The following SLC35F1 variants were observed in gnomAD, a reference collection of about 807,000 sequenced individuals.
SLC35F1 encodes the protein solute carrier family 35 member F1.
Under a neutral mutation model 48.7 loss-of-function variants are expected in SLC35F1, and 14 were observed. The ratio of observed to expected loss-of-function variants is 0.29; its 90% CI spans 0.19 to 0.45. The LOEUF is 0.45. Among genes scored for constraint, SLC35F1 ranks in the 20% least tolerant of loss-of-function variants. The pLI, the probability that SLC35F1 is intolerant of heterozygous loss-of-function variation, is 1.00. For missense variants in SLC35F1, 404 were observed against 500.0 expected (o/e 0.81, Z 1.83); for synonymous variants, 190 against 202.2 (o/e 0.94, Z 0.51).
intron 1 of SLC35F1, among the ~76,000 whole-genome samples, chr6:117,936,112 C>T (rs894057593): frequency 2.0e-5 from 3 of 152,178 alleles, no homozygotes; most frequent in African/African-American, 7.2e-5. Context: ...AGATTCCTTG[C>T]TTACTCACCT....
intron 3 of SLC35F1, among the ~76,000 whole-genome samples, chr6:118,243,592 G>A (rs1775468223): frequency 6.6e-6 from 1 of 152,222 alleles, no homozygotes. Flanking sequence ...CAGCTCCATG[G>A]AGACACAGGA....
chr6:118,139,040 T>G (rs1191277780), intron 1 of SLC35F1, among the ~76,000 whole-genome samples: 1 of 152,066 alleles, frequency 6.6e-6, no homozygotes, highest in Non-Finnish European at 1.5e-5. Flanking sequence ...CAGATTCTGT[T>G]CAAATCACTT....
intron 1 of SLC35F1, among the ~76,000 whole-genome samples, chr6:117,931,411 C>T (rs1321606922): frequency 3.3e-5 from 5 of 152,120 alleles, no homozygotes; most frequent in African/African-American, 1.2e-4. Flanking sequence ...TTGATAATCC[C>T]CAAAGACATT....
At chr6:118,284,375 T>C (rs1249832499) in intron 6 of SLC35F1, among the ~76,000 whole-genome samples, 1 of 152,112 alleles carries the variant, frequency 6.6e-6, no homozygotes, top group Non-Finnish European at 1.5e-5. Flanking sequence ...TTGCATTGTA[T>C]CAACATTTGG....
At chr6:118,212,605 G>A (rs1479264970) in intron 2 of SLC35F1, among the ~76,000 whole-genome samples, 1 of 151,900 alleles carries the variant, frequency 6.6e-6, no homozygotes, top group African/African-American at 2.4e-5. Context: ...CAGAAGAATC[G>A]CTTGACCCTG....
chr6:117,970,253 C>T (rs1415404549), intron 1 of SLC35F1, among the ~76,000 whole-genome samples: 1 of 152,166 alleles, frequency 6.6e-6, no homozygotes, highest in Non-Finnish European at 1.5e-5. Context: ...TTAACTTACT[C>T]GATCTTTAGG....
chr6:117,932,798 A>G (rs528105672), intron 1 of SLC35F1, among the ~76,000 whole-genome samples: 1 of 152,284 alleles, frequency 6.6e-6, no homozygotes, highest in South Asian at 2.1e-4. Flanking sequence ...TGCAATCTTT[A>G]GGAAGCTCCT....
chr6:117,936,474 T>C (rs1776164330), intron 1 of SLC35F1, among the ~76,000 whole-genome samples: 1 of 152,240 alleles, frequency 6.6e-6, no homozygotes, highest in African/African-American at 2.4e-5. Context: ...GTCTCAGAGT[T>C]GCTCTCATCT....
At chr6:118,014,215 CAT>C (rs67680270) in intron 1 of SLC35F1, among the ~76,000 whole-genome samples, 3,546 of 152,266 alleles carry the variant, frequency 0.023, 132 homozygotes, top group African/African-American at 0.08. Context: ...ACACCCAGCA[CAT>C]AGTGAACACT....
chr6:117,946,630 A>G (rs1253277865), intron 1 of SLC35F1, among the ~76,000 whole-genome samples: 4 of 152,248 alleles, frequency 2.6e-5, no homozygotes, highest in African/African-American at 9.6e-5. Flanking sequence ...GAGGAAAGCC[A>G]TTAGTGGCTA....
chr6:118,019,055 C>G (rs1777358839), intron 1 of SLC35F1, among the ~76,000 whole-genome samples: 1 of 152,100 alleles, frequency 6.6e-6, no homozygotes, highest in Non-Finnish European at 1.5e-5. Context: ...CGTATCTTTT[C>G]TCTTATCCTG....
intron 1 of SLC35F1, among the ~76,000 whole-genome samples, chr6:117,949,409 G>A (rs1368533418): frequency 5.3e-5 from 8 of 152,116 alleles, no homozygotes; most frequent in Admixed American, 3.9e-4. Flanking sequence ...CACACCTGCT[G>A]TCTTCCATCA....
intron 1 of SLC35F1, among the ~76,000 whole-genome samples, chr6:117,937,464 CA>C (rs1276179881): frequency 6.6e-6 from 1 of 152,142 alleles, no homozygotes; most frequent in Admixed American, 6.5e-5. Flanking sequence ...CTGTCATTAT[CA>C]ACCACTAAAA....
chr6:118,061,586 G>GTATATATATA (rs780630752), intron 1 of SLC35F1, among the ~76,000 whole-genome samples: 3,259 of 145,188 alleles, frequency 0.022, 42 homozygotes, highest in South Asian at 0.044. Flanking sequence ...GTGTGTGTGT[G>GTATATATATA]TGTGTATATA....
chr6:117,907,595 C>G lies in SLC35F1; in HGVS notation c.-132C>G, dbSNP rs1437572875. On this transcript the variant is annotated 5_prime_UTR_variant, in exon 1 of 8. Coordinates refer to ENST00000360388, the MANE Select transcript of SLC35F1 (RefSeq NM_001029858.4). ...AGCCGCGGGTGCCTCCCCGCCTCAC[C>G]GCTTCGCAGGCAGCACCGCCTCCCG... 4.3e-6 allele frequency: 2 copies of G among 465,916 alleles called. No homozygotes were observed. Among genetic ancestry groups the G allele is most frequent in the African/African-American group, 2.1e-5 (1 of 48,146 alleles). 28.9% of individuals were successfully genotyped at this position (465,916 alleles called of 1,614,324 possible).
At chr6:118,054,661 C>T (rs1450489221) in intron 1 of SLC35F1, among the ~76,000 whole-genome samples, 1 of 152,212 alleles carries the variant, frequency 6.6e-6, no homozygotes, top group Non-Finnish European at 1.5e-5. Context: ...CTGACACTAA[C>T]TCACCCTCTT....
intron 7 of SLC35F1, among the ~76,000 whole-genome samples, chr6:118,290,899 A>T (rs1034493158): frequency 6.6e-6 from 1 of 151,550 alleles, no homozygotes; most frequent in Non-Finnish European, 1.5e-5. Flanking sequence ...GGTTCAAGCG[A>T]TTCTCCTGCC....
At chr6:117,990,008 T>A (rs1242593959) in intron 1 of SLC35F1, among the ~76,000 whole-genome samples, 1 of 152,168 alleles carries the variant, frequency 6.6e-6, no homozygotes, top group Non-Finnish European at 1.5e-5. Flanking sequence ...CATATCGTCC[T>A]GACAGTGAAG....
At chr6:118,218,950 A>G (rs2114559934) in intron 2 of SLC35F1, among the ~76,000 whole-genome samples, 1 of 152,334 alleles carries the variant, frequency 6.6e-6, no homozygotes, top group Admixed American at 6.5e-5. Flanking sequence ...TTTTCAAGAA[A>G]GACAATTAGT....
Sources: allele counts gnomAD v4.1 joint callset (sites outside exome capture counted in the v4.1 genomes callset), GRCh38; gene constraint gnomAD v4.1.1; transcripts MANE v1.5; gene names NCBI Gene and HGNC (gene_info 2026-07-23, HGNC 2026-07-21).